The following FGF12 variants were observed in gnomAD, a reference collection of about 807,000 sequenced individuals.
FGF12 encodes the protein fibroblast growth factor 12.
A neutral mutation model predicts 23.6 loss-of-function variants in FGF12; 14 were observed. The ratio of observed to expected loss-of-function variants is 0.59; its 90% CI spans 0.39 to 0.93. FGF12 has a LOEUF of 0.93. FGF12 is among the 40% of genes least tolerant of loss of function. The pLI is 0.00. For synonymous variants in FGF12, 62 were observed against 77.3 expected, an observed-to-expected ratio of 0.80 and a Z score of 1.04; for missense variants, 175 against 217.8, an observed-to-expected ratio of 0.80 and a Z score of 1.24.
At chr3:192,370,911 A>G (rs80294920) in intron 2 of FGF12, among the ~76,000 whole-genome samples, 189 of 152,360 alleles carry the variant, frequency 1.2e-3, no homozygotes, top group African/African-American at 4.2e-3. Context: ...AGGGAGCACT[A>G]TTTAAATGTA....
At chr3:192,146,363 C>A (rs542382119) in intron 5 of FGF12, among the ~76,000 whole-genome samples, 1 of 151,558 alleles carries the variant, frequency 6.6e-6, no homozygotes, top group South Asian at 2.1e-4. Flanking sequence ...CTCCGCCTCC[C>A]GGGTTCATGC....
chr3:192,160,238 T>A (rs1341767065), intron 5 of FGF12, among the ~76,000 whole-genome samples: 1 of 152,132 alleles, frequency 6.6e-6, no homozygotes, highest in African/African-American at 2.4e-5. Context: ...TGAATCCCCA[T>A]CACATTAACC....
At chr3:192,625,309 G>A (rs1433473949) in intron 2 of FGF12, among the ~76,000 whole-genome samples, 2 of 151,948 alleles carry the variant, frequency 1.3e-5, no homozygotes, top group African/African-American at 4.8e-5. Flanking sequence ...TGTTCCCCTT[G>A]CAACTGAGTC....
chr3:192,468,651 A>T (rs1441969613), intron 2 of FGF12, among the ~76,000 whole-genome samples: 1 of 152,168 alleles, frequency 6.6e-6, no homozygotes, highest in Non-Finnish European at 1.5e-5. Flanking sequence ...ATTAACTTTG[A>T]TCACTTGGTT....
At chr3:192,320,389 C>T (rs1716472659) in intron 4 of FGF12, among the ~76,000 whole-genome samples, 2 of 152,198 alleles carry the variant, frequency 1.3e-5, no homozygotes, top group African/African-American at 4.8e-5. Context: ...CAATGCCCCA[C>T]TTTCTGCATT....
At chr3:192,706,654 G>A (rs1445328401) in intron 2 of FGF12, among the ~76,000 whole-genome samples, 1 of 152,092 alleles carries the variant, frequency 6.6e-6, no homozygotes, top group Non-Finnish European at 1.5e-5. Context: ...AATCCCCGCC[G>A]CAAGAACCCC....
intron 2 of FGF12, among the ~76,000 whole-genome samples, chr3:192,692,968 C>T (rs1220331194): frequency 6.7e-6 from 1 of 149,270 alleles, no homozygotes; most frequent in East Asian, 1.9e-4. Context: ...GCAAGAATAA[C>T]CAGAAAAGAA....
chr3:192,482,934 G>T (rs1560124920), intron 2 of FGF12, among the ~76,000 whole-genome samples: 1 of 152,142 alleles, frequency 6.6e-6, no homozygotes, highest in Non-Finnish European at 1.5e-5. Flanking sequence ...TCATTTCCTT[G>T]TTCGAGGCTG....
intron 2 of FGF12, among the ~76,000 whole-genome samples, chr3:192,460,542 T>A (rs1349709151): frequency 2.0e-5 from 3 of 152,028 alleles, no homozygotes; most frequent in Non-Finnish European, 4.4e-5. Context: ...AGAGTACACG[T>A]GCTCTGCAAC....
At chr3:192,654,346 T>C (rs563165657) in intron 2 of FGF12, among the ~76,000 whole-genome samples, 3 of 152,314 alleles carry the variant, frequency 2.0e-5, no homozygotes, top group African/African-American at 7.2e-5. Flanking sequence ...AATTGATTGC[T>C]ACTAGAAATT....
chr3:192,322,633 T>C (rs932768203), intron 4 of FGF12, among the ~76,000 whole-genome samples: 1 of 152,080 alleles, frequency 6.6e-6, no homozygotes, highest in Non-Finnish European at 1.5e-5. Context: ...AACATGGTAG[T>C]GGCATAAAAA....
At chr3:192,407,722 T>TGAACGAA (rs67940766) in intron 2 of FGF12, among the ~76,000 whole-genome samples, 13 of 145,802 alleles carry the variant, frequency 8.9e-5, no homozygotes, top group African/African-American at 3.2e-4. Flanking sequence ...AATGAATGAA[T>TGAACGAA]TAATGAATGA....
At chr3:192,260,568 A>G (rs1712685375) in intron 4 of FGF12, among the ~76,000 whole-genome samples, 1 of 152,162 alleles carries the variant, frequency 6.6e-6, no homozygotes, top group Non-Finnish European at 1.5e-5. Context: ...TACACATGTG[A>G]TGTGGGAGAA....
chr3:192,625,725 C>G (rs533229390), intron 2 of FGF12, among the ~76,000 whole-genome samples: 3 of 151,872 alleles, frequency 2.0e-5, no homozygotes, highest in Non-Finnish European at 4.4e-5. Context: ...TAGATTATCC[C>G]AAAGGGTATT....
At position 192,342,025 on chromosome 3, in the gene FGF12, G is replaced by A. The variant is rs1024921393; in HGVS notation, c.125-6561C>T. ...ATGCCTAGGCTAAAAAAAGAGTGAC[G>A]AACATAACAGTTGTGGTCTCTAGTG... is the stretch of plus-strand genomic sequence containing the variant. On this transcript the variant is annotated intron_variant, in intron 3 of 5. Coordinates refer to ENST00000445105, the MANE Select transcript of FGF12 (RefSeq NM_004113.6). Among the ~76,000 whole-genome samples the A allele has an allele frequency of 6.7e-5, 10 of 149,352 alleles. No individual in the cohort carries two copies. In the South Asian group the frequency reaches 8.4e-4, roughly 13 times the overall value.
intron 3 of FGF12, among the ~76,000 whole-genome samples, chr3:192,351,602 T>A (rs1718223155): frequency 6.6e-6 from 1 of 152,204 alleles, no homozygotes; most frequent in South Asian, 2.1e-4. Flanking sequence ...TCATTCCCCC[T>A]TCCCAAGCAT....
At chr3:192,188,661 C>A (rs1214348095) in intron 4 of FGF12, among the ~76,000 whole-genome samples, 1 of 152,166 alleles carries the variant, frequency 6.6e-6, no homozygotes, top group Non-Finnish European at 1.5e-5. Context: ...GGCTTTGATG[C>A]AAGACACTGA....
rs986627855 is a variant in FGF12, at chr3:192,405,527, C to T, written c.14-44989G>A. Among the ~76,000 whole-genome samples the T allele has an allele frequency of 2.6e-5, 4 of 151,182 alleles. 1 individual carries two copies. Among genetic ancestry groups the T allele is most frequent in the African/African-American group, 9.9e-5 (4 of 40,488 alleles). On this transcript the variant is annotated intron_variant, in intron 2 of 5. Transcript: ENST00000445105. ...AAATTCTTTATCAGGACAAATTATT[C>T]CACTTCACCACTTTACCATTTGTGA...
chr3:192,249,128 A>G (rs1355732197), intron 4 of FGF12, among the ~76,000 whole-genome samples: 2 of 152,158 alleles, frequency 1.3e-5, no homozygotes, highest in African/African-American at 4.8e-5. Flanking sequence ...GTACTATTAT[A>G]ATATTAATCA....
Sources: gnomAD v4.1 joint callset for allele counts (sites outside exome capture counted in the v4.1 genomes callset) on GRCh38, gnomAD v4.1.1 for gene constraint, MANE v1.5 for transcripts, NCBI Gene and HGNC (gene_info 2026-07-23, HGNC 2026-07-21) for gene names.